The following TSPEAR variants were observed in gnomAD, a reference collection of about 807,000 sequenced individuals.
TSPEAR encodes thrombospondin-type laminin G domain and EAR repeat-containing protein.
Under a neutral mutation model 71.6 loss-of-function variants are expected in TSPEAR, and 69 were observed. The observed-to-expected ratio is 0.96, with a 90% CI of 0.79 to 1.18. TSPEAR has a LOEUF of 1.18. TSPEAR is among the 50% of genes most tolerant of loss of function. TSPEAR has a pLI of 0.00. For missense variants in TSPEAR, 971 were observed against 894.9 expected (o/e 1.09, Z -1.09); for synonymous variants, 402 against 387.2 (o/e 1.04, Z -0.45).
At chr21:44,633,537 T>C (rs1271432691) in intron 1 of TSPEAR, among the ~76,000 whole-genome samples, 1 of 152,250 alleles carries the variant, frequency 6.6e-6, no homozygotes, top group Admixed American at 6.5e-5. Flanking sequence ...TTGTGAATTT[T>C]CCAGTTTTCC....
rs148029000 is a variant in TSPEAR at position 44,535,996 on chromosome 21, C to G, written c.304-2073G>C. 1.1e-4 allele frequency among the ~76,000 whole-genome samples: 16 copies of G among 152,132 alleles called. No individual in the cohort carries two copies. In the East Asian group the frequency reaches 3.1e-3, roughly 29 times the overall value. On this transcript the variant is annotated intron_variant, in intron 2 of 11. Transcript: ENST00000323084. ...CTTTCTGTTCTGCCCAACTTTGCTT[C>G]CACTCCAAGCTCCTTACCCTCAGGT...
At position 44,574,701 on chromosome 21, in the gene TSPEAR, C is replaced by T. The variant is rs782112529; in HGVS notation, c.83-6696G>A. On this transcript the variant is annotated intron_variant, in intron 1 of 11. Transcript: ENST00000323084. ...TTGCTGCACCTCCTCCCAAAGCCAG[C>T]AGGGCTGCTGCGTGCCCGTCTGCTG... 4 of 1,608,852 alleles carry T rather than the reference C, an allele frequency of 2.5e-6. No homozygotes were observed. In the East Asian group the frequency reaches 9.0e-5, roughly 36 times the overall value.
chr21:44,512,647 T>G (rs2052425474), intron 9 of TSPEAR, among the ~76,000 whole-genome samples: 1 of 152,194 alleles, frequency 6.6e-6, no homozygotes, highest in African/African-American at 2.4e-5. Context: ...TGGTGGGACC[T>G]GTAGCACTGC....
intron 10 of TSPEAR, chr21:44,508,451 G>A: frequency 9.8e-7 from 1 of 1,020,710 alleles, no homozygotes; most frequent in African/African-American, 1.7e-5. Flanking sequence ...GATGGGAATG[G>A]GCCAGATTCC....
At chr21:44,577,060 C>T (rs1978505105) in intron 1 of TSPEAR, among the ~76,000 whole-genome samples, 2 of 152,098 alleles carry the variant, frequency 1.3e-5, no homozygotes, top group African/African-American at 2.4e-5. Flanking sequence ...ATATAAATCA[C>T]AATGGAAATT....
intron 9 of TSPEAR, among the ~76,000 whole-genome samples, chr21:44,513,536 C>T (rs891030720): frequency 4.6e-5 from 7 of 152,234 alleles, no homozygotes; most frequent in African/African-American, 1.7e-4. Context: ...TGGAATTCCC[C>T]AGAGCCTGGC....
intron 2 of TSPEAR, chr21:44,550,703 C>A (rs1555918480): frequency 6.2e-7 from 1 of 1,613,908 alleles, no homozygotes; most frequent in South Asian, 1.1e-5. Flanking sequence ...AGCAGCTAGA[C>A]TTTTGGCCTG....
At chr21:44,551,057 G>A (rs782545109) in intron 2 of TSPEAR, 58 of 1,612,050 alleles carry the variant, frequency 3.6e-5, no homozygotes, top group Non-Finnish European at 4.6e-5. Flanking sequence ...GCTGGCAGGA[G>A]GAAGAGGCAC....
Position 44,591,827 on chromosome 21 carries a change from T to C in TSPEAR, c.83-23822A>G, listed in dbSNP as rs200461683. 5.6e-4 allele frequency: 873 copies of C among 1,568,436 alleles called. 3 individuals are homozygous for C. Among genetic ancestry groups the C allele is most frequent in the African/African-American group, 2.9e-3 (174 of 59,744 alleles). On this transcript the variant is annotated intron_variant, in intron 1 of 11. Transcript: ENST00000323084. ...CAGGCCTGCTGGCAGGGGGAGGAGG[T>C]GCAGCAAGTTGGCTGGCAGCTAGAC... is the stretch of plus-strand genomic sequence containing the variant.
At position 44,531,031 on chromosome 21, in the gene TSPEAR, C is replaced by T. The variant is rs782492875; in HGVS notation, c.633+12G>A. 9.3e-6 allele frequency: 15 copies of T among 1,611,062 alleles called. No individual in the cohort carries two copies. The highest frequency in any genetic ancestry group is 1.3e-5 in the Non-Finnish European group (15 of 1,177,896). On this transcript the variant is annotated intron_variant, in intron 4 of 11. Transcript: ENST00000323084. Reference sequence around the variant, plus strand: ...AGCACGGGTGTTGGGAAGGCAGCCCCTCCATACTCGCCATGAACAGGCCTT... The same window carrying T: ...AGCACGGGTGTTGGGAAGGCAGCCCTTCCATACTCGCCATGAACAGGCCTT...
intron 1 of TSPEAR, among the ~76,000 whole-genome samples, chr21:44,674,038 T>C (rs1487295877): frequency 1.3e-5 from 2 of 151,444 alleles, no homozygotes; most frequent in Non-Finnish European, 2.9e-5. Context: ...TAGTCCCAGC[T>C]GCTAGGGAGG....
At position 44,610,328 on chromosome 21, in the gene TSPEAR, G is replaced by T. The variant is rs587706277; in HGVS notation, c.83-42323C>A. Among the ~76,000 whole-genome samples the T allele has an allele frequency of 3.9e-5, 6 of 152,276 alleles. No individual in the cohort carries two copies. The East Asian group carries it at 7.7e-4, about 20-fold the overall frequency. The stretch of plus-strand genomic sequence containing the variant: ...AGGCCTGGGAGGAAAAAGTGGTTTC[G>T]TGGGTCCAGGGTCCCCATGCTGTAT... On this transcript the variant is annotated intron_variant, in intron 1 of 11. Coordinates refer to ENST00000323084, the MANE Select transcript of TSPEAR (RefSeq NM_144991.3).
At chr21:44,509,069 C>G in intron 10 of TSPEAR, 130 bp downstream of exon 10, 2 of 1,386,730 alleles carry the variant, frequency 1.4e-6, no homozygotes, top group Non-Finnish European at 2.0e-6. Flanking sequence ...CCAGGCCATT[C>G]TTTCCACAGG....
chr21:44,643,915 C>G (rs1052450798), intron 1 of TSPEAR, among the ~76,000 whole-genome samples: 2 of 152,234 alleles, frequency 1.3e-5, no homozygotes, highest in Non-Finnish European at 2.9e-5. Flanking sequence ...CATCGCGTCT[C>G]CAGCATTGTG....
intron 8 of TSPEAR, among the ~76,000 whole-genome samples, chr21:44,522,382 C>T (rs782340737): frequency 2.0e-4 from 30 of 152,350 alleles, no homozygotes; most frequent in Non-Finnish European, 3.5e-4. Context: ...TCTCCATGGC[C>T]TCCCCGTGTC....
chr21:44,508,872 T>A lies in TSPEAR; in HGVS notation c.1754+327A>T, dbSNP rs782131413. 3 of 1,434,776 alleles carry A rather than the reference T, an allele frequency of 2.1e-6. No individual in the cohort carries two copies. In the Admixed American group the frequency reaches 5.6e-5, roughly 27 times the overall value. The allele number at this position is 1,434,776 out of a possible 1,614,324, so 88.9% of individuals were successfully genotyped here. Reference sequence around the variant, plus strand: ...ACCTGTCCCTCTGGGGCCTCGGCTATCCCTCCGCACGACGGGCATGAAGCC... The same window carrying A: ...ACCTGTCCCTCTGGGGCCTCGGCTAACCCTCCGCACGACGGGCATGAAGCC... On this transcript the variant is annotated intron_variant, in intron 10 of 11. Coordinates refer to ENST00000323084, the MANE Select transcript of TSPEAR (RefSeq NM_144991.3).
chr21:44,553,997 A>T (rs1236458300), intron 2 of TSPEAR, among the ~76,000 whole-genome samples: 2 of 152,240 alleles, frequency 1.3e-5, no homozygotes, highest in Admixed American at 6.5e-5. Context: ...AAAGTACTCC[A>T]CCCAGGTATC....
intron 1 of TSPEAR, among the ~76,000 whole-genome samples, chr21:44,617,703 A>G (rs773031734): frequency 2.6e-5 from 4 of 152,284 alleles, no homozygotes; most frequent in Non-Finnish European, 5.9e-5. Context: ...TTTAATAAAG[A>G]AAAATATCTT....
intron 2 of TSPEAR, chr21:44,558,729 G>A: frequency 6.3e-7 from 1 of 1,582,814 alleles, no homozygotes. Flanking sequence ...GGGGTGGGGA[G>A]GAGGTGAGCT....
Sources: gnomAD v4.1 joint callset for allele counts (sites outside exome capture counted in the v4.1 genomes callset) on GRCh38, gnomAD v4.1.1 for gene constraint, MANE v1.5 for transcripts, NCBI Gene and HGNC (gene_info 2026-07-23, HGNC 2026-07-21) for gene names.